The following HEATR5B variants were observed in gnomAD, a reference collection of about 807,000 sequenced individuals.
The protein encoded by HEATR5B is HEAT repeat containing 5B, also known as HEAT repeat-containing protein 5B.
Under a neutral mutation model 224.1 loss-of-function variants are expected in HEATR5B, and 156 were observed. The ratio of observed to expected loss-of-function variants is 0.70; its 90% confidence interval spans 0.61 to 0.80. The LOEUF is 0.80. Ranked by LOEUF, HEATR5B falls within the 30% of genes least tolerant of loss-of-function variation. HEATR5B has a pLI of 0.00. For synonymous variants in HEATR5B, 1,027 were observed against 893.0 expected (o/e 1.15, Z -2.68); for missense variants, 2,323 against 2,535.5 (o/e 0.92, Z 1.80).
intron 30 of HEATR5B, among the ~76,000 whole-genome samples, 170 bp downstream of exon 30, chr2:37,005,462 C>A (rs898319430): frequency 5.9e-5 from 9 of 152,114 alleles, no homozygotes; most frequent in African/African-American, 2.2e-4. Context: ...ACGTTTGAGG[C>A]AGACCAGGCA....
chr2:37,061,838 G>A (rs1671298065), intron 11 of HEATR5B, 101 bp downstream of exon 11: 3 of 660,076 alleles, frequency 4.5e-6, no homozygotes, highest in Non-Finnish European at 5.3e-6. Flanking sequence ...CAACTTCAAT[G>A]AAAATCCAGA....
chr2:37,081,786 C>T (rs1421090062), intron 2 of HEATR5B, among the ~76,000 whole-genome samples: 2 of 152,122 alleles, frequency 1.3e-5, no homozygotes, highest in African/African-American at 2.4e-5. Flanking sequence ...TGAAAGTTCA[C>T]ATACTGAACT....
chr2:37,020,964 C>A, intron 24 of HEATR5B, 128 bp from the exon 25 acceptor site: 1 of 586,904 alleles, frequency 1.7e-6, no homozygotes. Flanking sequence ...TTGAAAATAG[C>A]AAAGATATTA....
chr2:37,055,806 G>T (rs535416128), intron 16 of HEATR5B, among the ~76,000 whole-genome samples: 3 of 152,252 alleles, frequency 2.0e-5, no homozygotes, highest in Admixed American at 1.3e-4. Context: ...AAGCTTTTAA[G>T]TTATCTGTGA....
chr2:37,047,496 T>C (rs767090875), intron 18 of HEATR5B, among the ~76,000 whole-genome samples: 57 of 152,212 alleles, frequency 3.7e-4, no homozygotes, highest in Non-Finnish European at 5.6e-4. Context: ...CTCTTCACAG[T>C]AAATAATCTT....
Position 37,056,459 on chromosome 2 carries a change from G to A in HEATR5B, c.2380C>T (p.His794Tyr), listed in dbSNP as rs764423931. 1.2e-5 allele frequency: 19 copies of A among 1,605,018 alleles called. No individual in the cohort carries two copies. In the Admixed American group the frequency reaches 3.0e-4, roughly 25 times the overall value. The change falls in exon 16 of 36, where the codon CAT becomes TAT. Residue 794 changes from histidine to tyrosine, a missense_variant. Physicochemically the swap from His to Tyr is moderately conservative, Grantham distance 83. Coordinates refer to ENST00000233099, the MANE Select transcript of HEATR5B (RefSeq NM_019024.3). ...SVALFGVVFPHVSYKHRLQML... is the reference protein window; with the variant it reads ...SVALFGVVFPYVSYKHRLQML... ...ACTAACCGGTGTTTATAAGAAACAT[G>A]AGGAAACACTACACCAAAAAGGGCC...
rs561181210 is a variant in HEATR5B, at chr2:37,052,550, A to T, written c.2505+952T>A. 7.2e-5 allele frequency among the ~76,000 whole-genome samples: 11 copies of T among 152,340 alleles called. No individual in the cohort carries two copies. In the South Asian group the frequency reaches 1.0e-3, roughly 14 times the overall value. ...TCCTGTAGATCTCAGCAACTTTGGC[A>T]TATGATATTATTTCTTGCCTTCTTA... is the stretch of plus-strand genomic sequence containing the variant. On this transcript the variant is annotated intron_variant, in intron 17 of 35. Coordinates refer to ENST00000233099, the MANE Select transcript of HEATR5B (RefSeq NM_019024.3).
At chr2:37,073,445 T>G (rs1672029851) in intron 5 of HEATR5B, among the ~76,000 whole-genome samples, 1 of 152,198 alleles carries the variant, frequency 6.6e-6, no homozygotes, top group African/African-American at 2.4e-5. Flanking sequence ...GGTTTCGCTA[T>G]GTTGGCCAGG....
chr2:37,027,545 G>T (rs566595580), intron 24 of HEATR5B, among the ~76,000 whole-genome samples: 1 of 152,294 alleles, frequency 6.6e-6, no homozygotes, highest in Admixed American at 6.5e-5. Flanking sequence ...CTCCATGGCT[G>T]GGGACGGCAA....
intron 18 of HEATR5B, among the ~76,000 whole-genome samples, chr2:37,044,290 C>T (rs919246730): frequency 6.6e-6 from 1 of 152,176 alleles, no homozygotes; most frequent in African/African-American, 2.4e-5. Context: ...CTTCCCCCAA[C>T]ATCCTGGCAA....
chr2:37,030,615 G>A (rs1669070287), intron 22 of HEATR5B, among the ~76,000 whole-genome samples: 1 of 152,174 alleles, frequency 6.6e-6, no homozygotes, highest in South Asian at 2.1e-4. Flanking sequence ...ATTTCTATCT[G>A]TAGTACAAGA....
At chr2:37,046,615 G>T (rs542865777) in intron 18 of HEATR5B, among the ~76,000 whole-genome samples, 1 of 148,508 alleles carries the variant, frequency 6.7e-6, no homozygotes, top group Admixed American at 6.7e-5. Context: ...CTCCAGCCTG[G>T]GCAGCAACAG....
chr2:37,071,621 T>A (rs1384786015), intron 6 of HEATR5B, among the ~76,000 whole-genome samples: 1 of 152,036 alleles, frequency 6.6e-6, no homozygotes, highest in African/African-American at 2.4e-5. Flanking sequence ...TTGCTAGATA[T>A]CCTGTACATT....
chr2:37,079,146 G>C lies in HEATR5B; in HGVS notation c.312C>G (p.Asp104Glu). The change falls in exon 3 of 36, where the codon GAC (aspartate) becomes GAG (glutamate). Residue 104 changes from aspartate to glutamate, a missense_variant. Transcript: ENST00000233099. ...ATTTTGTTGGTAAGTAGGCCGCAGT[G>C]TCATCTTTATTTCTGATAATGTCAT... ...KCNDIIRNKD[D>E]TAAYLPTKLA... 1 of 1,605,802 alleles carries C rather than the reference G, an allele frequency of 6.2e-7. No individual in the cohort carries two copies. Among genetic ancestry groups the C allele is most frequent in the Non-Finnish European group, 8.5e-7 (1 of 1,174,114 alleles).
chr2:37,053,792 G>A (rs1469470705), intron 16 of HEATR5B, among the ~76,000 whole-genome samples, 185 bp from the exon 17 acceptor site: 5 of 151,828 alleles, frequency 3.3e-5, no homozygotes, highest in Non-Finnish European at 1.5e-5. Flanking sequence ...ATGGACATGC[G>A]GTTATTAAAT....
At chr2:37,075,682 T>C in intron 4 of HEATR5B, 48 bp from the exon 5 acceptor site, 3 of 1,500,982 alleles carry the variant, frequency 2.0e-6, no homozygotes, top group Non-Finnish European at 2.7e-6. Flanking sequence ...AAATTCCATA[T>C]TTAAACAAGA....
At chr2:36,992,060 T>C (rs1036765281) in intron 33 of HEATR5B, among the ~76,000 whole-genome samples, 5 of 152,064 alleles carry the variant, frequency 3.3e-5, no homozygotes, top group African/African-American at 1.2e-4. Context: ...TAGCTGGGCA[T>C]GGTGGCACAC....
chr2:37,014,113 A>G, intron 26 of HEATR5B, 93 bp from the exon 27 acceptor site: 1 of 639,838 alleles, frequency 1.6e-6, no homozygotes, highest in Non-Finnish European at 2.6e-6. Context: ...AAGATAAAAC[A>G]CAAAACCAAA....
intron 27 of HEATR5B, among the ~76,000 whole-genome samples, chr2:37,009,518 A>G (rs1189343867): frequency 6.6e-6 from 1 of 152,032 alleles, no homozygotes; most frequent in Non-Finnish European, 1.5e-5. Flanking sequence ...TCAAGGTTCC[A>G]GTGAGCTATG....
Sources: allele counts gnomAD v4.1 joint callset (sites outside exome capture counted in the v4.1 genomes callset), GRCh38; gene constraint gnomAD v4.1.1; transcripts MANE v1.5; gene names NCBI Gene and HGNC (gene_info 2026-07-23, HGNC 2026-07-21).